Variants in CPNE2 observed in about 807,000 individuals in gnomAD.
CPNE2 encodes copine-2.
Under a neutral mutation model 69.7 loss-of-function variants are expected in CPNE2, and 42 were observed. The ratio of observed to expected loss-of-function variants is 0.60; its 90% confidence interval spans 0.47 to 0.78. CPNE2 has a LOEUF of 0.78. Ranked by LOEUF, CPNE2 falls within the 30% of genes least tolerant of loss-of-function variation. CPNE2 has a pLI of 0.00. For missense variants in CPNE2, 587 were observed against 732.0 expected (o/e 0.80, Z 2.29); for synonymous variants, 294 against 289.8 (o/e 1.01, Z -0.15).
At chr16:57,147,494 T>C in intron 15 of CPNE2, 57 bp from the exon 16 acceptor site, 1 of 1,301,286 alleles carries the variant, frequency 7.7e-7, no homozygotes, top group Non-Finnish European at 1.1e-6. Flanking sequence ...GCTCACAACT[T>C]CCGGTCATTA....
Position 57,119,211 on chromosome 16 carries a change from C to T in CPNE2, c.524C>T (p.Ser175Leu). The T allele has an allele frequency of 6.2e-7, 1 of 1,614,138 alleles. No individual in the cohort carries two copies. Among genetic ancestry groups the T allele is most frequent in the Non-Finnish European group, 8.5e-7 (1 of 1,180,014 alleles). Residue 175 changes from serine to leucine, a missense_variant, in exon 6 of 16, where the codon TCA (serine) becomes TTA (leucine). Around this residue, in one of 5 missense-constraint regions of CPNE2, gnomAD observed 269 missense variants for 300.5 expected, o/e 0.90. Transcript: ENST00000290776. ...RLDKKDLFGK[S>L]DPFLEFYKPG... ...TTCTCCCAGGACCTCTTTGGGAAGTCAGACCCCTTTCTGGAGTTTTATAAG... is the reference window on the plus strand; with the variant it reads ...TTCTCCCAGGACCTCTTTGGGAAGTTAGACCCCTTTCTGGAGTTTTATAAG...
intron 14 of CPNE2, among the ~76,000 whole-genome samples, chr16:57,138,996 T>C (rs2399618): frequency 0.91 from 137,904 of 152,262 alleles, 62,617 homozygotes; most frequent in Middle Eastern, 0.98. Context: ...TCACCTTGCC[T>C]GCTGCCTAGA....
At chr16:57,123,504 C>T (rs760258687) in intron 10 of CPNE2, 31 bp downstream of exon 10, 1 of 1,608,572 alleles carries the variant, frequency 6.2e-7, no homozygotes, top group Admixed American at 1.7e-5. Context: ...TCCCTCTGCA[C>T]CCCCATCCCA....
intron 12 of CPNE2, among the ~76,000 whole-genome samples, chr16:57,131,749 G>A (rs369949905): frequency 3.9e-5 from 6 of 152,178 alleles, no homozygotes; most frequent in African/African-American, 7.2e-5. Context: ...ACCCTCTCTC[G>A]CATTCTGACT....
In CPNE2 at chr16:57,148,350, T is replaced by G. The variant is rs1398710556; in HGVS notation, c.*692T>G. 1 of 152,212 alleles carries G rather than the reference T, an allele frequency of 6.6e-6. No individual in the cohort carries two copies. The highest frequency in any genetic ancestry group is 1.5e-5 in the Non-Finnish European group (1 of 68,038). The allele number at this position is 152,212 out of a possible 1,614,324, so 9.4% of individuals were successfully genotyped here. ...CACATTGTACAAACTCAATAAATAT[T>G]CATGGATGAATAGAATGAATGTGCA... On this transcript the variant is annotated 3_prime_UTR_variant, in exon 16 of 16. Transcript: ENST00000290776.
intron 1 of CPNE2, among the ~76,000 whole-genome samples, chr16:57,109,060 A>G (rs796641607): frequency 9.8e-5 from 15 of 152,298 alleles, no homozygotes; most frequent in African/African-American, 3.4e-4. Flanking sequence ...AACAAGGGTG[A>G]ATTTTTAATG....
intron 13 of CPNE2, among the ~76,000 whole-genome samples, chr16:57,136,102 G>GGA (rs1229144621): frequency 6.6e-6 from 1 of 151,100 alleles, no homozygotes; most frequent in Middle Eastern, 3.2e-3. Flanking sequence ...GAGGAAGGGA[G>GGA]GAAGAAAACT....
rs575121782 is a variant in CPNE2 at position 57,117,365 on chromosome 16, C to G, written c.436-131C>G. 1.3e-5 allele frequency: 11 copies of G among 830,350 alleles called. No individual in the cohort carries two copies. The East Asian group carries it at 2.7e-4, about 20-fold the overall frequency. 51.4% of individuals were successfully genotyped at this position (830,350 alleles called of 1,614,324 possible). ...GTGTGGGGAAGACAAGAGATTTGTC[C>G]AAGGTCACCTGGAACTGCCCTTCCC... On this transcript the variant is annotated intron_variant, in intron 4 of 15. Transcript: ENST00000290776.
At chr16:57,143,644 G>A (rs1467800665) in intron 14 of CPNE2, 2 of 152,538 alleles carry the variant, frequency 1.3e-5, no homozygotes, top group Non-Finnish European at 2.9e-5. Context: ...GAGTCAGCAT[G>A]AGGGTGACAG....
At position 57,125,995 on chromosome 16, in the gene CPNE2, T is replaced by C. The variant is rs779348766; in HGVS notation, c.1061+2T>C. 6.2e-7 allele frequency: 1 copy of C among 1,613,990 alleles called. No individual in the cohort carries two copies. Among genetic ancestry groups the C allele is most frequent in the Non-Finnish European group, 8.5e-7 (1 of 1,179,992 alleles). On this transcript the variant is annotated splice_donor_variant, in intron 11 of 15. Coordinates refer to ENST00000290776, the MANE Select transcript of CPNE2 (RefSeq NM_152727.6). LOFTEE classifies it high-confidence loss of function. Reference sequence around the variant, plus strand: ...GCAGATCATTCAGGACTACGACAGGTAAGGTTGGAGAGGGGCTCTGAAGGT... The same window carrying C: ...GCAGATCATTCAGGACTACGACAGGCAAGGTTGGAGAGGGGCTCTGAAGGT...
Position 57,146,958 on chromosome 16 carries a change from C to A in CPNE2, c.1540-593C>A, listed in dbSNP as rs762583212. On this transcript the variant is annotated intron_variant, in intron 15 of 15. Coordinates refer to ENST00000290776, the MANE Select transcript of CPNE2 (RefSeq NM_152727.6). This position sits in a 1 kb window ranked among gnomAD's most constrained non-coding sequence, Gnocchi z 4.4. The stretch of plus-strand genomic sequence containing the variant: ...TACCGCTGTACTGTAATGCCACCCC[C>A]ATACTGCTGGCTGGGGGCTTAACCC... 1 of 153,200 alleles carries A rather than the reference C, an allele frequency of 6.5e-6. No individual in the cohort carries two copies. Among genetic ancestry groups the A allele is most frequent in the African/African-American group, 2.4e-5 (1 of 41,454 alleles). 9.5% of individuals were successfully genotyped at this position (153,200 alleles called of 1,614,324 possible). A position where few individuals can be genotyped will look rare whatever the true frequency, so the allele number is the denominator to read the frequency against.
chr16:57,102,280 A>G (rs1244467268), intron 1 of CPNE2, among the ~76,000 whole-genome samples: 3 of 152,058 alleles, frequency 2.0e-5, no homozygotes, highest in Non-Finnish European at 4.4e-5. Context: ...CTCCGGGGAG[A>G]TGCGTAGGTG....
chr16:57,137,996 G>A (rs1256584821), intron 14 of CPNE2, among the ~76,000 whole-genome samples: 2 of 152,178 alleles, frequency 1.3e-5, no homozygotes, highest in Non-Finnish European at 2.9e-5. Context: ...GCAGTTATCT[G>A]ATGTCCCTTC....
chr16:57,129,661 A>C (rs747909941), intron 12 of CPNE2, among the ~76,000 whole-genome samples: 11 of 152,228 alleles, frequency 7.2e-5, no homozygotes, highest in Non-Finnish European at 1.5e-4. Flanking sequence ...TCTACTAAAA[A>C]TACAAAAATT....
chr16:57,102,864 A>G (rs1234565943), intron 1 of CPNE2, among the ~76,000 whole-genome samples: 2 of 152,070 alleles, frequency 1.3e-5, no homozygotes, highest in Non-Finnish European at 2.9e-5. Flanking sequence ...AGCCTCCCCA[A>G]GTGCTGGGAT....
intron 2 of CPNE2, among the ~76,000 whole-genome samples, chr16:57,112,529 TG>T (rs2069688219): frequency 6.6e-6 from 1 of 151,854 alleles, no homozygotes. Flanking sequence ...ATGGACTGGG[TG>T]GGAGGAAAAG....
At chr16:57,109,203 G>A (rs1487066143) in intron 1 of CPNE2, among the ~76,000 whole-genome samples, 3 of 152,154 alleles carry the variant, frequency 2.0e-5, no homozygotes, top group South Asian at 4.1e-4. Context: ...AGCCAGGCGC[G>A]GTGGCTCATG....
chr16:57,145,551 T>G, intron 14 of CPNE2: 2 of 171,810 alleles, frequency 1.2e-5, no homozygotes, highest in Non-Finnish European at 1.3e-5. Context: ...ATGGAGGGGG[T>G]CACAGGTGCC....
intron 1 of CPNE2, among the ~76,000 whole-genome samples, chr16:57,103,709 C>A (rs530413772): frequency 1.3e-5 from 2 of 152,366 alleles, no homozygotes; most frequent in African/African-American, 2.4e-5. Flanking sequence ...GAGGTCCCCC[C>A]ACCCAGCCGG....
Sources: gnomAD v4.1 joint callset for allele counts (sites outside exome capture counted in the v4.1 genomes callset) on GRCh38, gnomAD v4.1.1 for gene constraint, gnomAD v4.1.1 regional missense constraint, Gnocchi (gnomAD v3.1) non-coding constraint, MANE v1.5 for transcripts, NCBI Gene and HGNC (gene_info 2026-07-23, HGNC 2026-07-21) for gene names.